The following MICU2 variants were observed in gnomAD, a reference collection of about 807,000 sequenced individuals.
MICU2 encodes the protein calcium uptake protein 2, mitochondrial.
Under a neutral mutation model 60.4 loss-of-function variants are expected in MICU2, and 64 were observed. That is an observed-to-expected ratio of 1.06 (90% confidence interval 0.87 to 1.31). The LOEUF (loss-of-function observed/expected upper bound fraction) is 1.31, where lower values mean the gene tolerates loss of function less well. Ranked by LOEUF, MICU2 falls within the 50% of genes most tolerant of loss-of-function variation. The pLI, the probability that MICU2 is intolerant of heterozygous loss-of-function variation, is 0.00. For missense variants in MICU2, 569 were observed against 531.0 expected (o/e 1.07, Z -0.70); for synonymous variants, 201 against 175.0 (o/e 1.15, Z -1.17).
At chr13:21,548,653 T>G (rs1368399299) in intron 2 of MICU2, among the ~76,000 whole-genome samples, 5 of 152,228 alleles carry the variant, frequency 3.3e-5, no homozygotes, top group African/African-American at 1.2e-4. Flanking sequence ...GAAAGAGGAC[T>G]GTCTCCAGGT....
Position 21,514,396 on chromosome 13 carries a change from T to G in MICU2, c.620A>C (p.Gln207Pro), listed in dbSNP as rs373777301. The part of the protein sequence containing the change: ...FFKLQKIISK[Q>P]DDLMTVKTNE... ...AGTTTTCACTGTCATCAAGTCATCT[T>G]GTTTACTTATGATCTTCTGCAGCTA... Residue 207 changes from glutamine (Q) to proline (P), a missense_variant, in exon 7 of 12, where the codon CAA (glutamine) becomes CCA (proline). By Grantham distance (76) the Gln-to-Pro change is moderately conservative (BLOSUM62 -1). Transcript: ENST00000382374. 120 of 1,613,502 alleles carry G rather than the reference T, an allele frequency of 7.4e-5. No homozygotes were observed. The highest frequency in any genetic ancestry group is 9.9e-5 in the Non-Finnish European group (117 of 1,179,746).
intron 4 of MICU2, among the ~76,000 whole-genome samples, chr13:21,537,430 T>C (rs1300227497): frequency 3.3e-5 from 5 of 151,964 alleles, no homozygotes; most frequent in Admixed American, 3.3e-4. Flanking sequence ...TCTTTCTCCA[T>C]AAAGCTCAGA....
chr13:21,550,601 G>A (rs776344488), intron 2 of MICU2, among the ~76,000 whole-genome samples: 2 of 152,026 alleles, frequency 1.3e-5, no homozygotes, highest in South Asian at 4.2e-4. Flanking sequence ...TGGGAATAAC[G>A]CTCATTATAA....
At chr13:21,513,385 T>A (rs138789400) in intron 7 of MICU2, among the ~76,000 whole-genome samples, 93 of 152,222 alleles carry the variant, frequency 6.1e-4, no homozygotes, top group African/African-American at 2.1e-3. Context: ...TTTTTGTAGA[T>A]GCTCTTTACC....
At chr13:21,525,400 C>A (rs927915911) in intron 4 of MICU2, among the ~76,000 whole-genome samples, 8 of 151,644 alleles carry the variant, frequency 5.3e-5, no homozygotes, top group African/African-American at 1.9e-4. Flanking sequence ...ACCATGTTAG[C>A]CAGGATGATC....
intron 4 of MICU2, chr13:21,530,938 C>T: frequency 1.3e-6 from 1 of 765,466 alleles, no homozygotes; most frequent in Non-Finnish European, 2.4e-6. Context: ...TGGCCCCAAT[C>T]CTGTGGTCCA....
intron 2 of MICU2, among the ~76,000 whole-genome samples, chr13:21,549,004 G>A (rs1887483229): frequency 2.3e-5 from 3 of 131,978 alleles, no homozygotes; most frequent in Non-Finnish European, 3.1e-5. Flanking sequence ...TTGGTTCACC[G>A]CAAGCTCTGC....
At chr13:21,498,370 T>A (rs954429551) in intron 9 of MICU2, among the ~76,000 whole-genome samples, 6 of 9,138 alleles carry the variant, frequency 6.6e-4, no homozygotes, top group Non-Finnish European at 1.5e-3. Context: ...TATCCTATTC[T>A]TTTTTTTTTT....
At chr13:21,535,430 G>C (rs1887108111) in intron 4 of MICU2, among the ~76,000 whole-genome samples, 1 of 152,050 alleles carries the variant, frequency 6.6e-6, no homozygotes, top group Non-Finnish European at 1.5e-5. Flanking sequence ...AATGCTTCCA[G>C]AAAAGTCTAT....
intron 2 of MICU2, among the ~76,000 whole-genome samples, chr13:21,563,192 A>G (rs1479280241): frequency 2.8e-4 from 42 of 151,912 alleles, no homozygotes; most frequent in Admixed American, 2.8e-3. Flanking sequence ...GTGGTGGCTC[A>G]TGCCTGTAAT....
chr13:21,574,438 T>C (rs182698827), intron 1 of MICU2, among the ~76,000 whole-genome samples: 1 of 152,314 alleles, frequency 6.6e-6, no homozygotes, highest in Admixed American at 6.5e-5. Context: ...TTAAGAGCAA[T>C]GAGTGATGTG....
At chr13:21,571,002 T>A (rs1212011739) in intron 1 of MICU2, among the ~76,000 whole-genome samples, 3 of 152,316 alleles carry the variant, frequency 2.0e-5, no homozygotes, top group African/African-American at 7.2e-5. Flanking sequence ...TTCCTTTCTT[T>A]CTTCACTTCT....
In MICU2 at chr13:21,587,246, T is replaced by C. The variant is rs1373001821; in HGVS notation, c.210+16693A>G. On this transcript the variant is annotated intron_variant, in intron 1 of 11. Coordinates refer to ENST00000382374, the MANE Select transcript of MICU2 (RefSeq NM_152726.3). The stretch of plus-strand genomic sequence containing the variant: ...GAATCCATGAGTCCGTAGATATAAA[T>C]GAATAAATGAGTAAACAGTGGAGAG... Among the ~76,000 whole-genome samples, 7 of 152,268 alleles carry C rather than the reference T, an allele frequency of 4.6e-5. No homozygotes were observed. In the South Asian group the frequency reaches 1.5e-3, roughly 32 times the overall value.
intron 4 of MICU2, chr13:21,531,233 C>T: frequency 9.0e-7 from 1 of 1,117,316 alleles, no homozygotes; most frequent in South Asian, 1.2e-5. Flanking sequence ...AAGAAAAGGA[C>T]ACTATAAGAA....
chr13:21,557,758 C>T (rs2798269), intron 2 of MICU2, among the ~76,000 whole-genome samples: 52,630 of 151,972 alleles, frequency 0.35, 9,484 homozygotes, highest in South Asian at 0.4. Flanking sequence ...AAGTACATCA[C>T]ATGCATAAAG....
At chr13:21,528,321 C>T (rs1162265035) in intron 4 of MICU2, among the ~76,000 whole-genome samples, 1 of 152,050 alleles carries the variant, frequency 6.6e-6, no homozygotes, top group Non-Finnish European at 1.5e-5. Flanking sequence ...TTAACAGCAA[C>T]AGTAAAGTAT....
At chr13:21,523,319 A>G (rs974981997) in intron 4 of MICU2, among the ~76,000 whole-genome samples, 1 of 152,240 alleles carries the variant, frequency 6.6e-6, no homozygotes, top group African/African-American at 2.4e-5. Flanking sequence ...TGACTAATAC[A>G]GAAGAATCGA....
chr13:21,539,139 T>C (rs1887211168), intron 4 of MICU2, among the ~76,000 whole-genome samples, 163 bp downstream of exon 4: 1 of 152,198 alleles, frequency 6.6e-6, no homozygotes, highest in Non-Finnish European at 1.5e-5. Flanking sequence ...GTTTTAATAA[T>C]TTATCTGTAA....
intron 7 of MICU2, among the ~76,000 whole-genome samples, chr13:21,512,914 G>A (rs1238749720): frequency 6.6e-6 from 1 of 152,048 alleles, no homozygotes; most frequent in Non-Finnish European, 1.5e-5. Flanking sequence ...ACAGGAGTCC[G>A]ACTTTATTCT....
Sources: allele counts gnomAD v4.1 joint callset (sites outside exome capture counted in the v4.1 genomes callset), GRCh38; gene constraint gnomAD v4.1.1; transcripts MANE v1.5; gene names NCBI Gene and HGNC (gene_info 2026-07-23, HGNC 2026-07-21).